The following LAMB4 variants were observed in gnomAD, a reference collection of about 807,000 sequenced individuals.
The protein encoded by LAMB4 is laminin subunit beta 4.
In LAMB4, 196 loss-of-function variants were observed where a neutral mutation model predicts 199.2. The observed-to-expected ratio is 0.98, with a 90% CI of 0.88 to 1.11. The LOEUF (loss-of-function observed/expected upper bound fraction) is 1.11, where lower values mean the gene tolerates loss of function less well. LAMB4 is among the 50% of genes least tolerant of loss of function. The probability of loss-of-function intolerance (pLI) is 0.00; values close to 1 mark genes in which losing one functional copy is unlikely to be tolerated. For missense variants in LAMB4, 2,080 were observed against 2,171.2 expected (o/e 0.96, Z 0.83); for synonymous variants, 744 against 770.6 (o/e 0.97, Z 0.57).
chr7:108,047,750 T>C (rs949665628), intron 28 of LAMB4, among the ~76,000 whole-genome samples, 158 bp downstream of exon 28: 1 of 152,214 alleles, frequency 6.6e-6, no homozygotes, highest in Non-Finnish European at 1.5e-5. Context: ...TCTACATTCA[T>C]ATCATCTGTA....
chr7:108,099,552 G>T (rs535569624), intron 10 of LAMB4, among the ~76,000 whole-genome samples: 161 of 152,264 alleles, frequency 1.1e-3, no homozygotes, highest in African/African-American at 3.8e-3. Flanking sequence ...CTTTGGTATG[G>T]ATGACAAATG....
chr7:108,113,940 A>T (rs1455385623), intron 3 of LAMB4, among the ~76,000 whole-genome samples: 2 of 152,170 alleles, frequency 1.3e-5, no homozygotes, highest in East Asian at 3.9e-4. Context: ...AAATATTTTG[A>T]GGTTTTTTCC....
chr7:108,046,291 A>G (rs2035621901), intron 28 of LAMB4, among the ~76,000 whole-genome samples: 1 of 144,040 alleles, frequency 6.9e-6, no homozygotes. Context: ...GGGTTTCACC[A>G]TGTTGGCCAG....
chr7:108,106,607 T>A, intron 6 of LAMB4, 35 bp from the exon 7 acceptor site: 1 of 1,182,102 alleles, frequency 8.5e-7, no homozygotes, highest in South Asian at 1.3e-5. Context: ...TATAGTATAT[T>A]ACCTGAAAAC....
intron 1 of LAMB4, 80 bp downstream of exon 1, chr7:108,130,226 C>G (rs556045810): frequency 6.6e-6 from 1 of 152,214 alleles, no homozygotes; most frequent in South Asian, 2.1e-4. Context: ...ATGACAACTC[C>G]ACTTACCCCC....
chr7:108,091,938 A>G (rs1334787596), intron 13 of LAMB4, among the ~76,000 whole-genome samples, 162 bp from the exon 14 acceptor site: 1 of 152,124 alleles, frequency 6.6e-6, no homozygotes, highest in African/African-American at 2.4e-5. Context: ...GTTTAACATA[A>G]CTGGTCTTGA....
In LAMB4 at chr7:108,092,381, C is replaced by T. The variant is rs34137471; in HGVS notation, c.1506G>A (p.Gly502=). ...GYWGLGNHLH[G]CSPCDCDIGG... Reference sequence around the variant, plus strand: ...CAATATCACAGTCACAGGGAGAACACCCATGGAGATGATTTCCCAGGCCCC... The same window carrying T: ...CAATATCACAGTCACAGGGAGAACATCCATGGAGATGATTTCCCAGGCCCC... Residue 502 remains glycine, a synonymous_variant, in exon 13 of 34, where the codon GGG becomes GGA. Coordinates refer to ENST00000388781, the MANE Select transcript of LAMB4 (RefSeq NM_007356.3). 2.8e-3 allele frequency: 4,453 copies of T among 1,613,988 alleles called. 98 individuals are homozygous for T. In the African/African-American group the frequency reaches 0.05, roughly 18 times the overall value.
the LAMB4 span, among the ~76,000 whole-genome samples, chr7:108,012,027 T>A: frequency 1.3e-5 from 2 of 151,484 alleles, no homozygotes; most frequent in South Asian, 2.1e-4. Context: ...ATAGCAAATG[T>A]TAACATAATT....
intron 17 of LAMB4, among the ~76,000 whole-genome samples, chr7:108,076,551 A>G (rs778055237): frequency 3.3e-5 from 5 of 152,126 alleles, no homozygotes; most frequent in Non-Finnish European, 7.4e-5. Flanking sequence ...ATGTGGTTGG[A>G]TTTCTTCCCC....
At chr7:108,125,414 A>G (rs527823773) in intron 1 of LAMB4, among the ~76,000 whole-genome samples, 83 of 152,350 alleles carry the variant, frequency 5.4e-4, no homozygotes, top group African/African-American at 1.9e-3. Flanking sequence ...CATTATGGGC[A>G]TTTAATAAGA....
intron 2 of LAMB4, among the ~76,000 whole-genome samples, chr7:108,121,388 C>T (rs2038592246): frequency 6.6e-6 from 1 of 152,154 alleles, no homozygotes; most frequent in African/African-American, 2.4e-5. Flanking sequence ...TTAGAGTTCA[C>T]ATCAGAGCTT....
chr7:108,070,531 G>A (rs559427461), intron 17 of LAMB4, among the ~76,000 whole-genome samples: 20 of 152,306 alleles, frequency 1.3e-4, no homozygotes, highest in South Asian at 6.2e-4. Context: ...CCTACTCAGC[G>A]TGAAGATGAA....
At chr7:108,075,268 A>T (rs1473134701) in intron 17 of LAMB4, among the ~76,000 whole-genome samples, 2 of 152,198 alleles carry the variant, frequency 1.3e-5, no homozygotes, top group Non-Finnish European at 2.9e-5. Context: ...TTTCTACTAT[A>T]ATATGGTAGA....
intron 20 of LAMB4, 38 bp downstream of exon 20, chr7:108,066,331 T>C (rs368814325): frequency 5.4e-6 from 8 of 1,478,032 alleles, no homozygotes; most frequent in Middle Eastern, 3.4e-4. Context: ...AACAAAGTGT[T>C]AAAGACCTAA....
intron 25 of LAMB4, 30 bp downstream of exon 25, chr7:108,055,601 TG>T (rs1159186813): frequency 6.3e-7 from 1 of 1,584,810 alleles, no homozygotes; most frequent in Non-Finnish European, 8.6e-7. Context: ...ATCAGGAGTT[TG>T]GCTGTCTGTT....
chr7:108,098,013 G>A (rs1346721387), intron 11 of LAMB4, among the ~76,000 whole-genome samples: 1 of 152,078 alleles, frequency 6.6e-6, no homozygotes, highest in Non-Finnish European at 1.5e-5. Flanking sequence ...TTAAAACCCA[G>A]AGGTTGGCAG....
At chr7:108,051,836 C>T (rs1007158483) in intron 26 of LAMB4, among the ~76,000 whole-genome samples, 1 of 152,082 alleles carries the variant, frequency 6.6e-6, no homozygotes, top group Non-Finnish European at 1.5e-5. Flanking sequence ...ATGGGTTTGG[C>T]ACTAGATTAC....
In LAMB4 at chr7:108,068,076, C is replaced by T. The variant is rs544784448; in HGVS notation, c.2386G>A (p.Gly796Arg). ...GTTGAGCACCTGTCACAGCAGCGCC[C>T]GACCACAAGAGGTTTACACTGGCAC... ...GQCQCKPLVV[G>R]RCCDRCSTGS... The change falls in exon 19 of 34, where the codon GGG (glycine) becomes AGG (arginine). Residue 796 changes from glycine (G) to arginine (R), a missense_variant. Coordinates refer to ENST00000388781, the MANE Select transcript of LAMB4 (RefSeq NM_007356.3). 33 of 1,614,168 alleles carry T rather than the reference C, an allele frequency of 2.0e-5. No homozygotes were observed. The highest frequency in any genetic ancestry group is 4.0e-5 in the African/African-American group (3 of 75,050).
the LAMB4 span, among the ~76,000 whole-genome samples, chr7:108,018,010 G>A: frequency 6.6e-6 from 1 of 152,326 alleles, no homozygotes; most frequent in South Asian, 2.1e-4. Flanking sequence ...CTGATCCTTG[G>A]TCCACTGTGC....
Sources: allele counts gnomAD v4.1 joint callset (sites outside exome capture counted in the v4.1 genomes callset), GRCh38; gene constraint gnomAD v4.1.1; transcripts MANE v1.5; gene names NCBI Gene and HGNC (gene_info 2026-07-23, HGNC 2026-07-21).